Variants in MGAM2 observed in about 807,000 individuals in gnomAD.
MGAM2 encodes the protein maltase-glucoamylase 2 (putative).
A neutral mutation model predicts 96.1 loss-of-function variants in MGAM2; 98 were observed. The ratio of observed to expected loss-of-function variants is 1.02; its 90% CI spans 0.87 to 1.21. The LOEUF (loss-of-function observed/expected upper bound fraction) is 1.21. Among genes scored for constraint, MGAM2 ranks in the 50% most tolerant of loss-of-function variants. MGAM2 has a pLI of 0.00. For synonymous variants in MGAM2, 749 were observed against 414.8 expected, an observed-to-expected ratio of 1.81 and a Z score of -9.79; for missense variants, 2,055 against 1,182.4, an observed-to-expected ratio of 1.74 and a Z score of -10.82.
At chr7:142,142,142 C>T (rs954144173) in intron 12 of MGAM2, among the ~76,000 whole-genome samples, 7 of 125,446 alleles carry the variant, frequency 5.6e-5, no homozygotes, top group African/African-American at 9.2e-5. Context: ...TTGACTCTTT[C>T]GATGCTTAAT....
chr7:142,143,252 T>C (rs1795285690), intron 12 of MGAM2, among the ~76,000 whole-genome samples: 1 of 152,186 alleles, frequency 6.6e-6, no homozygotes, highest in South Asian at 2.1e-4. Context: ...AGCTATTGTT[T>C]GATAGGCATA....
In MGAM2 at chr7:142,161,062, G is replaced by A. The variant is rs78407399; in HGVS notation, c.2346-63G>A. The A allele has an allele frequency of 3.0e-3, 2,048 of 691,604 alleles. 27 individuals carry two copies. The African/African-American group carries it at 0.03, about 10-fold the overall frequency. The allele number at this position is 691,604 out of a possible 1,614,324, so 42.8% of individuals were successfully genotyped here. On this transcript the variant is annotated intron_variant, in intron 21 of 47. Transcript: ENST00000477922. Reference sequence around the variant, plus strand: ...TTATCTGTCCCTGGGGGATGAAGGTGGCTGGTTTCACATAGTTCCATCTCA... The same window carrying A: ...TTATCTGTCCCTGGGGGATGAAGGTAGCTGGTTTCACATAGTTCCATCTCA...
At position 142,201,071 on chromosome 7, in the gene MGAM2, C is replaced by CTTTTTTTTTTTTT. The variant is rs72092512; in HGVS notation, c.5137+1113_5137+1114insTTTTTTTTTTTTT. Among the ~76,000 whole-genome samples the CTTTTTTTTTTTTT allele has an allele frequency of 8.9e-4, 75 of 84,350 alleles. 10 individuals are homozygous for CTTTTTTTTTTTTT. Among genetic ancestry groups the CTTTTTTTTTTTTT allele is most frequent in the Middle Eastern group, 0.011 (1 of 94 alleles). 55.3% of individuals were successfully genotyped at this position (84,350 alleles called of 152,430 possible). ...CATTGTTATAAATAACATCCTTTTT[C>CTTTTTTTTTTTTT]TTTTTTTTTTCTTTTTTTTTTTTTT... On this transcript the variant is annotated intron_variant, in intron 45 of 47. Transcript: ENST00000477922.
intron 32 of MGAM2, among the ~76,000 whole-genome samples, chr7:142,179,679 C>T (rs759522884): frequency 9.2e-5 from 14 of 152,130 alleles, no homozygotes; most frequent in Admixed American, 3.3e-4. Flanking sequence ...CTATGTTGAG[C>T]CAACCTTGCG....
chr7:142,216,680 A>G (rs75796961), intron 46 of MGAM2, among the ~76,000 whole-genome samples: 1 of 152,284 alleles, frequency 6.6e-6, no homozygotes, highest in East Asian at 1.9e-4. Flanking sequence ...AACTCTCTCA[A>G]ATCAATAAGA....
At chr7:142,112,478 C>A (rs1173560086) in intron 1 of MGAM2, among the ~76,000 whole-genome samples, 2 of 152,050 alleles carry the variant, frequency 1.3e-5, no homozygotes, top group African/African-American at 2.4e-5. Context: ...ATGAATAATG[C>A]CTTTGCTGTG....
At chr7:142,172,589 G>T in intron 29 of MGAM2, 63 bp from the exon 30 acceptor site, 1 of 623,584 alleles carries the variant, frequency 1.6e-6, no homozygotes. Context: ...CTTAGAGCAG[G>T]TTTTCTATCT....
rs1049402579 is a variant in MGAM2 at position 142,167,405 on chromosome 7, C to T, written c.2946C>T (p.Ala982=). ...TGGCCCCTGAGTCAGCTGCTGCTGC[C>T]GCCTCTGATTCTCTCTCTGCAAAGA... The part of the protein sequence containing the change: ...LPMAPESAAA[A]ASDSLSAKIS... Residue 982 remains alanine (A), a synonymous_variant, in exon 26 of 48, where the codon GCC becomes GCT. Coordinates refer to ENST00000477922, the MANE Select transcript of MGAM2 (RefSeq NM_001293626.2). The T allele has an allele frequency of 1.6e-5, 11 of 702,846 alleles. No homozygotes were observed. Among genetic ancestry groups the T allele is most frequent in the African/African-American group, 3.5e-5 (2 of 57,234 alleles). 43.5% of individuals were successfully genotyped at this position (702,846 alleles called of 1,614,324 possible).
At chr7:142,152,882 T>C (rs1346286743) in intron 15 of MGAM2, among the ~76,000 whole-genome samples, 1 of 152,124 alleles carries the variant, frequency 6.6e-6, no homozygotes, top group African/African-American at 2.4e-5. Context: ...GAATAAAAGC[T>C]AGGCAAACAG....
intron 3 of MGAM2, among the ~76,000 whole-genome samples, chr7:142,127,644 T>G (rs1179294960): frequency 1.3e-5 from 2 of 152,156 alleles, no homozygotes; most frequent in African/African-American, 4.8e-5. Context: ...CATACTGTTC[T>G]TATGGTAGTG....
chr7:142,141,429 A>G (rs1795225816), intron 12 of MGAM2, among the ~76,000 whole-genome samples: 1 of 152,134 alleles, frequency 6.6e-6, no homozygotes. Flanking sequence ...ATTCAACTAC[A>G]AAAATATAGC....
At chr7:142,217,381 C>T (rs965253439) in intron 46 of MGAM2, among the ~76,000 whole-genome samples, 1 of 152,260 alleles carries the variant, frequency 6.6e-6, no homozygotes, top group Non-Finnish European at 1.5e-5. Context: ...CTAGCCTTGT[C>T]GCTTTGGACT....
At chr7:142,129,754 G>A (rs944449595) in intron 3 of MGAM2, among the ~76,000 whole-genome samples, 7 of 135,382 alleles carry the variant, frequency 5.2e-5, no homozygotes, top group Non-Finnish European at 1.1e-4. Flanking sequence ...GAACCCAGGA[G>A]GCAGAGATTA....
At chr7:142,143,994 T>C (rs1219104148) in intron 13 of MGAM2, 112 bp downstream of exon 13, 2 of 601,204 alleles carry the variant, frequency 3.3e-6, no homozygotes, top group African/African-American at 3.7e-5. Context: ...GTTTGCTTTA[T>C]GTAGTAGTAT....
chr7:142,186,950 G>A (rs527667456), intron 35 of MGAM2, among the ~76,000 whole-genome samples: 5 of 126,542 alleles, frequency 4.0e-5, no homozygotes, highest in African/African-American at 1.5e-4. Flanking sequence ...TGATAGCTCT[G>A]GGGTAGTATT....
At chr7:142,207,673 C>T (rs561273023) in intron 45 of MGAM2, among the ~76,000 whole-genome samples, 95 of 152,218 alleles carry the variant, frequency 6.2e-4, no homozygotes, top group Non-Finnish European at 1.1e-3. Context: ...TCGTGATGCG[C>T]CCGCCTCGGC....
rs2129109275 is a variant in MGAM2, at chr7:142,221,410, C to T, written c.6899C>T (p.Pro2300Leu). ...TATTACCAGACTTCTCCTACCATTC[C>T]TACCCATACTCTTACTTCTATTCCT... ...TTYYQTSPTI[P>L]THTLTSIPSS... The change falls in exon 48 of 48, where the codon CCT becomes CTT. Residue 2300 changes from proline to leucine, a missense_variant. Transcript: ENST00000477922. The T allele has an allele frequency of 1.7e-6, 1 of 601,418 alleles. No individual in the cohort carries two copies. The highest frequency in any genetic ancestry group is 4.4e-4 in the Middle Eastern group (1 of 2,270). 37.3% of individuals were successfully genotyped at this position (601,418 alleles called of 1,614,324 possible).
At chr7:142,121,317 A>G (rs1446262001) in intron 3 of MGAM2, among the ~76,000 whole-genome samples, 1 of 149,410 alleles carries the variant, frequency 6.7e-6, no homozygotes, top group Non-Finnish European at 1.5e-5. Context: ...AGCTGGGATT[A>G]CAGGCACCTG....
At chr7:142,188,661 C>T (rs994801373) in intron 36 of MGAM2, among the ~76,000 whole-genome samples, 1 of 152,168 alleles carries the variant, frequency 6.6e-6, no homozygotes, top group African/African-American at 2.4e-5. Flanking sequence ...TGATTTTCAA[C>T]CTTACAATGG....
Sources: gnomAD v4.1 joint callset for allele counts (sites outside exome capture counted in the v4.1 genomes callset) on GRCh38, gnomAD v4.1.1 for gene constraint, MANE v1.5 for transcripts, NCBI Gene and HGNC (gene_info 2026-07-23, HGNC 2026-07-21) for gene names.